SFT2D1: variants seen among roughly 807,000 people sequenced by gnomAD.
SFT2D1 encodes the protein vesicle transport protein SFT2A.
Under a neutral mutation model 28.1 loss-of-function variants are expected in SFT2D1, and 24 were observed. The observed-to-expected ratio is 0.85, with a 90% CI of 0.62 to 1.20. The LOEUF is 1.20. SFT2D1 is among the 50% of genes most tolerant of loss of function. The probability of loss-of-function intolerance (pLI) is 0.00; values close to 1 mark genes in which losing one functional copy is unlikely to be tolerated. For synonymous variants in SFT2D1, 82 were observed against 73.7 expected, an observed-to-expected ratio of 1.11 and a Z score of -0.58; for missense variants, 181 against 190.9, an observed-to-expected ratio of 0.95 and a Z score of 0.31.
intron 4 of SFT2D1, among the ~76,000 whole-genome samples, chr6:166,327,403 T>C (rs1396270133): frequency 6.6e-6 from 1 of 152,176 alleles, no homozygotes; most frequent in Non-Finnish European, 1.5e-5. Flanking sequence ...AGCTCTCATC[T>C]ACCCGCCACC....
In SFT2D1 at chr6:166,340,756, C is replaced by T. The variant is rs143464485; in HGVS notation, c.63+1663G>A. The stretch of plus-strand genomic sequence containing the variant: ...GTTTCCTCCAATTAAAATTTAAGTT[C>T]CATGTGAAAGAGGTATTTGCACTGG... On this transcript the variant is annotated intron_variant, in intron 1 of 7. Transcript: ENST00000361731. Among the ~76,000 whole-genome samples the T allele has an allele frequency of 1.3e-3, 200 of 152,304 alleles. 1 individual carries two copies. Among genetic ancestry groups the T allele is most frequent in the African/African-American group, 3.9e-3 (164 of 41,562 alleles).
chr6:166,338,373 C>T (rs1778701465), intron 1 of SFT2D1, among the ~76,000 whole-genome samples: 1 of 152,118 alleles, frequency 6.6e-6, no homozygotes, highest in African/African-American at 2.4e-5. Context: ...GTAGGTTCTA[C>T]ATACACAGAA....
At chr6:166,329,939 A>G (rs1249462196) in intron 2 of SFT2D1, among the ~76,000 whole-genome samples, 2 of 152,190 alleles carry the variant, frequency 1.3e-5, no homozygotes, top group African/African-American at 4.8e-5. Flanking sequence ...TAACACATTG[A>G]TACATTTTTC....
chr6:166,329,476 C>A, intron 3 of SFT2D1, 31 bp downstream of exon 3: 2 of 1,588,752 alleles, frequency 1.3e-6, no homozygotes, highest in African/African-American at 1.3e-5. Context: ...GTAGCAAGAG[C>A]AAACAAGATA....
At chr6:166,339,034 G>A (rs1234938566) in intron 1 of SFT2D1, among the ~76,000 whole-genome samples, 2 of 152,030 alleles carry the variant, frequency 1.3e-5, no homozygotes, top group African/African-American at 4.8e-5. Context: ...CCGCCATCCT[G>A]GTTACGTCTT....
chr6:166,325,709 A>G (rs1259661998), intron 5 of SFT2D1, among the ~76,000 whole-genome samples: 1 of 152,250 alleles, frequency 6.6e-6, no homozygotes, highest in Non-Finnish European at 1.5e-5. Context: ...TTTGCCAACC[A>G]GGCCCACAAG....
At chr6:166,340,234 T>C (rs962070394) in intron 1 of SFT2D1, among the ~76,000 whole-genome samples, 4 of 152,234 alleles carry the variant, frequency 2.6e-5, no homozygotes, top group Non-Finnish European at 4.4e-5. Context: ...CCAGGACAAC[T>C]GTACTTGTCT....
intron 2 of SFT2D1, 141 bp from the exon 3 acceptor site, chr6:166,329,730 T>C: frequency 1.5e-6 from 1 of 649,482 alleles, no homozygotes; most frequent in Non-Finnish European, 2.5e-6. Context: ...TCTAGTCTGA[T>C]TACACAGAAA....
intron 6 of SFT2D1, 45 bp downstream of exon 6, chr6:166,324,492 G>A (rs4710041): frequency 0.81 from 1,278,272 of 1,573,272 alleles, 521,460 homozygotes; most frequent in East Asian, 0.96. Flanking sequence ...TGCTCGTCAC[G>A]TCTCAGGCAA....
At chr6:166,328,736 G>T (rs1778497379) in intron 3 of SFT2D1, among the ~76,000 whole-genome samples, 1 of 152,214 alleles carries the variant, frequency 6.6e-6, no homozygotes, top group Non-Finnish European at 1.5e-5. Context: ...TCAGCAGGAT[G>T]GATGTGCCTT....
intron 1 of SFT2D1, among the ~76,000 whole-genome samples, chr6:166,334,085 T>C (rs1490969955): frequency 1.3e-5 from 2 of 152,232 alleles, no homozygotes; most frequent in Non-Finnish European, 2.9e-5. Context: ...TGAAAATGCA[T>C]CCATCAACTT....
intron 7 of SFT2D1, among the ~76,000 whole-genome samples, chr6:166,320,549 TTTTTTC>T (rs1276531761): frequency 7.1e-6 from 1 of 141,812 alleles, no homozygotes; most frequent in Non-Finnish European, 1.6e-5. Flanking sequence ...AAGATCTAAC[TTTTTTC>T]TTTTTTTTTC....
At chr6:166,328,237 T>C (rs751083307) in intron 4 of SFT2D1, 39 bp downstream of exon 4, 1 of 1,305,154 alleles carries the variant, frequency 7.7e-7, no homozygotes, top group Non-Finnish European at 1.1e-6. Context: ...GTGCAAAGAA[T>C]ACTTCAATAA....
At chr6:166,335,050 G>A (rs113268852) in intron 1 of SFT2D1, 9 of 538,966 alleles carry the variant, frequency 1.7e-5, no homozygotes, top group African/African-American at 3.8e-5. Context: ...CGACGCTGTG[G>A]ACAAGACTGT....
At chr6:166,335,248 G>A (rs1390375281) in intron 1 of SFT2D1, 1 of 591,208 alleles carries the variant, frequency 1.7e-6, no homozygotes, top group Non-Finnish European at 3.2e-6. Context: ...CAGTGGTCAT[G>A]ATGGCTTTGG....
At chr6:166,321,833 T>C (rs552823380) in intron 7 of SFT2D1, among the ~76,000 whole-genome samples, 218 of 152,330 alleles carry the variant, frequency 1.4e-3, no homozygotes, top group African/African-American at 5.1e-3. Context: ...ACAATTAAAA[T>C]GTTTTTGCTG....
intron 5 of SFT2D1, among the ~76,000 whole-genome samples, chr6:166,325,414 T>A (rs9356477): frequency 0.28 from 42,807 of 152,142 alleles, 7,549 homozygotes; most frequent in East Asian, 0.49. Flanking sequence ...TAGAAAAATA[T>A]GATGTAGAAT....
Position 166,326,134 on chromosome 6 carries a change from A to G in SFT2D1, c.349T>C (p.Trp117Arg), listed in dbSNP as rs1461490525. The G allele has an allele frequency of 1.9e-6, 3 of 1,613,752 alleles. No individual in the cohort carries two copies. In the East Asian group the frequency reaches 6.7e-5, roughly 36 times the overall value. Residue 117 changes from tryptophan to arginine, a missense_variant and splice_region_variant, in exon 5 of 8, where the codon TGG becomes CGG. Coordinates refer to ENST00000361731, the MANE Select transcript of SFT2D1 (RefSeq NM_145169.3). ...CFIFTLCAAL[W>R]WHKKGLAVLF... ...CCAGTAGGGCTGACATAACTTACCC[A>G]AAGAGCAGCACACAGGGTAAATATG...
intron 1 of SFT2D1, among the ~76,000 whole-genome samples, chr6:166,337,500 GC>G (rs2114912665): frequency 6.6e-6 from 1 of 152,106 alleles, no homozygotes; most frequent in Non-Finnish European, 1.5e-5. Flanking sequence ...CTCGCCAGCT[GC>G]TCCTGCTTGG....
Sources: gnomAD v4.1 joint callset for allele counts (sites outside exome capture counted in the v4.1 genomes callset) on GRCh38, gnomAD v4.1.1 for gene constraint, MANE v1.5 for transcripts, NCBI Gene and HGNC (gene_info 2026-07-23, HGNC 2026-07-21) for gene names.